SHISA9: variants seen among roughly 807,000 people sequenced by gnomAD.
SHISA9 encodes shisa family member 9.
In SHISA9, 13 loss-of-function variants were observed where a neutral mutation model predicts 38.0. The observed-to-expected ratio is 0.34, with a 90% CI of 0.22 to 0.54. The LOEUF is 0.54. Among genes scored for constraint, SHISA9 ranks in the 20% least tolerant of loss-of-function variants. The probability of loss-of-function intolerance (pLI) is 0.91; values close to 1 mark genes in which losing one functional copy is unlikely to be tolerated. For missense variants in SHISA9, 538 were observed against 575.8 expected, an observed-to-expected ratio of 0.93 and a Z score of 0.67; for synonymous variants, 275 against 242.0, an observed-to-expected ratio of 1.14 and a Z score of -1.27.
intron 2 of SHISA9, among the ~76,000 whole-genome samples, chr16:12,994,933 G>A (rs1250360586): frequency 6.6e-6 from 1 of 152,146 alleles, no homozygotes; most frequent in Non-Finnish European, 1.5e-5. Flanking sequence ...GTCCACAGAT[G>A]AATATATGTG....
chr16:13,461,334 C>G, the SHISA9 span, among the ~76,000 whole-genome samples: 1 of 152,162 alleles, frequency 6.6e-6, no homozygotes, highest in South Asian at 2.1e-4. Flanking sequence ...AATCCCAGCA[C>G]TTTGGGAGGC....
the SHISA9 span, among the ~76,000 whole-genome samples, chr16:13,403,502 A>G: frequency 2.0e-5 from 3 of 152,252 alleles, no homozygotes; most frequent in South Asian, 6.2e-4. Flanking sequence ...CACTTCAAGT[A>G]GCAACCATGC....
chr16:13,137,932 T>C (rs2050364674), intron 2 of SHISA9, among the ~76,000 whole-genome samples: 1 of 152,238 alleles, frequency 6.6e-6, no homozygotes, highest in African/African-American at 2.4e-5. Flanking sequence ...TCTTCAGGAC[T>C]AAGCGCAAGT....
At chr16:13,384,238 C>T in the SHISA9 span, among the ~76,000 whole-genome samples, 1 of 152,150 alleles carries the variant, frequency 6.6e-6, no homozygotes, top group Non-Finnish European at 1.5e-5. Flanking sequence ...CCACCCAGGA[C>T]AATGAATGCA....
At chr16:13,074,970 A>G (rs977853827) in intron 2 of SHISA9, among the ~76,000 whole-genome samples, 2 of 152,086 alleles carry the variant, frequency 1.3e-5, no homozygotes, top group Admixed American at 6.6e-5. Context: ...GGCCATTACT[A>G]TTATTTTTAT....
chr16:12,976,080 G>C (rs951046247), intron 2 of SHISA9, among the ~76,000 whole-genome samples: 1 of 151,958 alleles, frequency 6.6e-6, no homozygotes, highest in Non-Finnish European at 1.5e-5. Flanking sequence ...TATTGCTCTA[G>C]AAAAATAAAC....
chr16:13,134,647 G>C (rs1357406399), intron 2 of SHISA9, among the ~76,000 whole-genome samples: 1 of 152,104 alleles, frequency 6.6e-6, no homozygotes, highest in Non-Finnish European at 1.5e-5. Context: ...ATGGGCAGGG[G>C]CTGAATCATG....
the SHISA9 span, among the ~76,000 whole-genome samples, chr16:13,492,116 G>A: frequency 3.7e-3 from 565 of 151,966 alleles, 8 homozygotes; most frequent in Non-Finnish European, 3.7e-3. Flanking sequence ...ACCTTCCCTT[G>A]GAGCATCAGG....
chr16:12,971,664 C>G (rs1212023654), intron 2 of SHISA9, among the ~76,000 whole-genome samples: 1 of 152,298 alleles, frequency 6.6e-6, no homozygotes, highest in African/African-American at 2.4e-5. Flanking sequence ...GTAGGAACGA[C>G]ATATCGTACC....
At chr16:13,057,502 G>C (rs1302240326) in intron 2 of SHISA9, among the ~76,000 whole-genome samples, 1 of 152,084 alleles carries the variant, frequency 6.6e-6, no homozygotes, top group East Asian at 1.9e-4. Context: ...TTAAAATGTA[G>C]ATTCTTGGGC....
At chr16:12,990,967 C>T (rs1418478688) in intron 2 of SHISA9, among the ~76,000 whole-genome samples, 1 of 152,166 alleles carries the variant, frequency 6.6e-6, no homozygotes, top group Admixed American at 6.5e-5. Context: ...TATCAAATAG[C>T]TTTCCAGAAA....
At chr16:12,951,584 C>G (rs1213129016) in intron 2 of SHISA9, among the ~76,000 whole-genome samples, 1 of 152,116 alleles carries the variant, frequency 6.6e-6, no homozygotes, top group African/African-American at 2.4e-5. Context: ...GAAAAAAAAT[C>G]AGCTGTGAAC....
At chr16:13,393,505 A>G in the SHISA9 span, among the ~76,000 whole-genome samples, 1 of 152,098 alleles carries the variant, frequency 6.6e-6, no homozygotes, top group African/African-American at 2.4e-5. Context: ...TTCCTTTTTA[A>G]TACTATTGTT....
At chr16:13,440,719 C>T in the SHISA9 span, among the ~76,000 whole-genome samples, 72 of 152,188 alleles carry the variant, frequency 4.7e-4, no homozygotes, top group African/African-American at 1.7e-3. Flanking sequence ...ACGAGGAAAT[C>T]GAGACCATCC....
chr16:13,201,750 A>G (rs1347859186), intron 2 of SHISA9, among the ~76,000 whole-genome samples: 2 of 128,540 alleles, frequency 1.6e-5, no homozygotes, highest in Non-Finnish European at 3.3e-5. Flanking sequence ...CTTCAGTGTC[A>G]GCGGGACATT....
chr16:13,533,806 CAG>C, the SHISA9 span, among the ~76,000 whole-genome samples: 1 of 131,526 alleles, frequency 7.6e-6, no homozygotes, highest in Non-Finnish European at 1.6e-5. Flanking sequence ...TTTTTTGAGA[CAG>C]AGTCTCGCTG....
At chr16:13,030,701 C>A (rs1030464326) in intron 2 of SHISA9, among the ~76,000 whole-genome samples, 1 of 152,122 alleles carries the variant, frequency 6.6e-6, no homozygotes, top group Non-Finnish European at 1.5e-5. Flanking sequence ...TCTTGTAGAC[C>A]ACAGGCACTA....
chr16:13,460,451 A>G, the SHISA9 span, among the ~76,000 whole-genome samples: 1 of 152,164 alleles, frequency 6.6e-6, no homozygotes, highest in South Asian at 2.1e-4. Flanking sequence ...GAACCCCAAG[A>G]TCAGAAGTTA....
At chr16:13,409,891 C>CA in the SHISA9 span, among the ~76,000 whole-genome samples, 1 of 152,148 alleles carries the variant, frequency 6.6e-6, no homozygotes, top group Non-Finnish European at 1.5e-5. Context: ...GAAGGGGCCC[C>CA]AAAACTTAAA....
Sources: allele counts gnomAD v4.1 joint callset (sites outside exome capture counted in the v4.1 genomes callset), GRCh38; gene constraint gnomAD v4.1.1; transcripts MANE v1.5; gene names NCBI Gene and HGNC (gene_info 2026-07-23, HGNC 2026-07-21).